SPATA21: variants seen among roughly 807,000 people sequenced by gnomAD.
The protein encoded by SPATA21 is spermatogenesis-associated protein 21.
SPATA21 carries 47 observed loss-of-function variants against 54.8 expected under a neutral mutation model. That is an observed-to-expected ratio of 0.86 (90% CI 0.68 to 1.09). SPATA21 has a LOEUF of 1.09. Ranked by LOEUF, SPATA21 falls within the 50% of genes least tolerant of loss-of-function variation. The pLI is 0.00. For synonymous variants in SPATA21, 245 were observed against 235.3 expected (o/e 1.04, Z -0.38); for missense variants, 599 against 596.4 (o/e 1.00, Z -0.05).
chr1:16,417,512 C>T (rs938396830), intron 5 of SPATA21, among the ~76,000 whole-genome samples: 3 of 150,874 alleles, frequency 2.0e-5, no homozygotes, highest in Non-Finnish European at 4.4e-5. Context: ...GATCTTGGCT[C>T]ACTGCAACCT....
At chr1:16,408,544 C>G in intron 7 of SPATA21, 1 of 985,782 alleles carries the variant, frequency 1.0e-6, no homozygotes, top group South Asian at 4.7e-5. Context: ...AGAGGCAGCT[C>G]TGGCACAGGG....
At chr1:16,417,230 T>G (rs1172749134) in intron 5 of SPATA21, among the ~76,000 whole-genome samples, 2 of 152,146 alleles carry the variant, frequency 1.3e-5, no homozygotes, top group African/African-American at 4.8e-5. Context: ...TTCCTTGTGA[T>G]GGGTCTGCTG....
At chr1:16,430,625 G>A (rs111290008) in intron 3 of SPATA21, among the ~76,000 whole-genome samples, 3,082 of 152,260 alleles carry the variant, frequency 0.02, 117 homozygotes, top group African/African-American at 0.071. Flanking sequence ...CTAGAAGAGC[G>A]AGTAGGCAAT....
chr1:16,398,158 C>T, downstream of SPATA21: 2 of 317,064 alleles, frequency 6.3e-6, no homozygotes, highest in Non-Finnish European at 9.2e-6. Context: ...TCTTTGTCCT[C>T]ATTTCAGTCC....
chr1:16,436,386 CAA>C (rs59926630), intron 1 of SPATA21, among the ~76,000 whole-genome samples: 102 of 84,492 alleles, frequency 1.2e-3, no homozygotes, highest in African/African-American at 2.6e-3. Flanking sequence ...GACTCTGTCT[CAA>C]AAAAAAAAAA....
At position 16,421,656 on chromosome 1, in the gene SPATA21, A is replaced by G; in HGVS notation, c.96-99T>C. The G allele has an allele frequency of 7.6e-7, 1 of 1,310,754 alleles. No homozygotes were observed. The highest frequency in any genetic ancestry group is 2.5e-5 in the East Asian group (1 of 40,768). 81.2% of individuals were successfully genotyped at this position (1,310,754 alleles called of 1,614,324 possible). A position where few individuals can be genotyped will look rare whatever the true frequency, so the allele number is the denominator to read the frequency against. ...CCCCCAGGACACTCAGTTCCACCCC[A>G]GCCTCATCCCCTTGGCCTTCTCATC... On this transcript the variant is annotated intron_variant, in intron 4 of 12. Transcript: ENST00000335496. The surrounding 1 kb of genome is among the most constrained non-coding windows in gnomAD (Gnocchi z 5.2).
chr1:16,407,520 C>T (rs912359647), intron 7 of SPATA21, among the ~76,000 whole-genome samples: 4 of 151,984 alleles, frequency 2.6e-5, no homozygotes, highest in African/African-American at 4.8e-5. Context: ...AGTGCAGTAG[C>T]GCGATCTTGG....
intron 11 of SPATA21, 64 bp downstream of exon 11, chr1:16,400,656 G>C (rs998627241): frequency 1.7e-5 from 26 of 1,532,884 alleles, no homozygotes; most frequent in African/African-American, 2.8e-5. Flanking sequence ...AAGGAAAGGA[G>C]ACCAGATGGG....
intron 10 of SPATA21, among the ~76,000 whole-genome samples, chr1:16,401,485 G>A (rs1045690252): frequency 2.0e-5 from 3 of 151,312 alleles, no homozygotes; most frequent in African/African-American, 4.9e-5. Context: ...GTGTAGAGAC[G>A]TGGTCTCGCT....
chr1:16,418,991 A>C (rs553236277), intron 5 of SPATA21, among the ~76,000 whole-genome samples: 1 of 152,330 alleles, frequency 6.6e-6, no homozygotes, highest in Admixed American at 6.5e-5. Context: ...TAAGTCAACT[A>C]GCAAGGCTGC....
intron 7 of SPATA21, among the ~76,000 whole-genome samples, chr1:16,405,599 A>G (rs2085613811): frequency 6.6e-6 from 1 of 151,834 alleles, no homozygotes; most frequent in Non-Finnish European, 1.5e-5. Flanking sequence ...AGATCCAGGA[A>G]GCAGTGAGCC....
Position 16,399,503 on chromosome 1 carries a change from G to A in SPATA21, c.1193C>T (p.Pro398Leu). Reference sequence around the variant, plus strand: ...CAGGATGCAGGGCACCTGGGCATAGGGGCTCTGCAGGTTGGGAGCTGGTGA... The same window carrying A: ...CAGGATGCAGGGCACCTGGGCATAGAGGCTCTGCAGGTTGGGAGCTGGTGA... ...QQNYAPNLQS[P>L]YAQVPCILLC... Residue 398 changes from proline to leucine, a missense_variant, in exon 12 of 13, where the codon CCC (proline) becomes CTC (leucine). Coordinates refer to ENST00000335496, the MANE Select transcript of SPATA21 (RefSeq NM_198546.1). 1 of 1,613,708 alleles carries A rather than the reference G, an allele frequency of 6.2e-7. No individual in the cohort carries two copies. The highest frequency in any genetic ancestry group is 8.5e-7 in the Non-Finnish European group (1 of 1,179,886).
At chr1:16,399,051 A>C (rs2085363559) in intron 12 of SPATA21, among the ~76,000 whole-genome samples, 1 of 152,184 alleles carries the variant, frequency 6.6e-6, no homozygotes, top group African/African-American at 2.4e-5. Context: ...CCAGGTGCAC[A>C]GTCTGCTAGT....
At chr1:16,431,519 G>T in intron 2 of SPATA21, 97 bp from the exon 3 acceptor site, 1 of 1,207,896 alleles carries the variant, frequency 8.3e-7, no homozygotes, top group Non-Finnish European at 1.1e-6. Flanking sequence ...AGCCTGGCTC[G>T]AGGGAAGAGG....
intron 5 of SPATA21, among the ~76,000 whole-genome samples, chr1:16,420,518 A>T (rs2086140465): frequency 6.6e-6 from 1 of 152,108 alleles, no homozygotes; most frequent in African/African-American, 2.4e-5. Flanking sequence ...GTCTCAAAAA[A>T]AAGGAAAGAA....
chr1:16,409,113 C>T lies in SPATA21; in HGVS notation c.673+5G>A, dbSNP rs758259057. The stretch of plus-strand genomic sequence containing the variant: ...CTGGGACCTCCCTGACCTCCCTGCC[C>T]TCACCTTCCTCTTGCTTCAGGGTCA... On this transcript the variant is annotated splice_donor_5th_base_variant and intron_variant, in intron 7 of 12. Transcript: ENST00000335496. The surrounding 1 kb of genome is among the most constrained non-coding windows in gnomAD (Gnocchi z 4.1). 6.2e-7 allele frequency: 1 copy of T among 1,614,014 alleles called. No individual in the cohort carries two copies. Among genetic ancestry groups the T allele is most frequent in the Non-Finnish European group, 8.5e-7 (1 of 1,179,906 alleles).
chr1:16,421,652 C>T lies in SPATA21; in HGVS notation c.96-95G>A, dbSNP rs758327131. ...TCAGCCCCCAGGACACTCAGTTCCACCCCAGCCTCATCCCCTTGGCCTTCT... is the reference window on the plus strand; with the variant it reads ...TCAGCCCCCAGGACACTCAGTTCCATCCCAGCCTCATCCCCTTGGCCTTCT... On this transcript the variant is annotated intron_variant, in intron 4 of 12. Transcript: ENST00000335496. The surrounding 1 kb of genome is among the most constrained non-coding windows in gnomAD (Gnocchi z 5.2). The T allele has an allele frequency of 8.2e-6, 11 of 1,339,534 alleles. No homozygotes were observed. Among genetic ancestry groups the T allele is most frequent in the South Asian group, 1.3e-5 (1 of 75,316 alleles). The allele number at this position is 1,339,534 out of a possible 1,614,324, so 83.0% of individuals were successfully genotyped here.
At position 16,428,065 on chromosome 1, in the gene SPATA21, C is replaced by G; in HGVS notation, c.34+3273G>C. ...GGCTTGAGGGCTGGCATTGAGTACC[C>G]GTTCTGGAGTGATCCCTCCCACTCC... is the stretch of plus-strand genomic sequence containing the variant. On this transcript the variant is annotated intron_variant, in intron 3 of 12. Coordinates refer to ENST00000335496, the MANE Select transcript of SPATA21 (RefSeq NM_198546.1). The surrounding 1 kb of genome is among the most constrained non-coding windows in gnomAD (Gnocchi z 4.3). The G allele has an allele frequency of 6.6e-7, 1 of 1,515,850 alleles. No individual in the cohort carries two copies. The highest frequency in any genetic ancestry group is 8.9e-7 in the Non-Finnish European group (1 of 1,121,518). The allele number at this position is 1,515,850 out of a possible 1,614,324, so 93.9% of individuals were successfully genotyped here. A position where few individuals can be genotyped will look rare whatever the true frequency, so the allele number is the denominator to read the frequency against.
rs747717235 is a variant in SPATA21, at chr1:16,410,005, A to G, written c.183T>C (p.Arg61=). Residue 61 remains arginine (R), a synonymous_variant, in exon 6 of 13, where the codon CGT becomes CGC. Coordinates refer to ENST00000335496, the MANE Select transcript of SPATA21 (RefSeq NM_198546.1). ...RDIGERREPD[R]AQQQPQKPAV... ...CGGGCTTCTGAGGCTGCTGCTGCGC[A>G]CGGTCTGGCTCCCGCCTCTCTCCAA... 10 of 1,586,828 alleles carry G rather than the reference A, an allele frequency of 6.3e-6. No individual in the cohort carries two copies. In the Admixed American group the frequency reaches 1.8e-4, roughly 28 times the overall value.
Sources: allele counts gnomAD v4.1 joint callset (sites outside exome capture counted in the v4.1 genomes callset), GRCh38; gene constraint gnomAD v4.1.1; non-coding constraint Gnocchi (gnomAD v3.1); transcripts MANE v1.5; gene names NCBI Gene and HGNC (gene_info 2026-07-23, HGNC 2026-07-21).